CTNND2: variants seen among roughly 807,000 people sequenced by gnomAD.
The protein encoded by CTNND2 is catenin delta 2, also known as catenin delta-2.
A neutral mutation model predicts 144.4 loss-of-function variants in CTNND2; 22 were observed. The observed-to-expected ratio is 0.15, with a 90% CI of 0.11 to 0.22. The LOEUF is 0.22. CTNND2 is among the 10% of genes least tolerant of loss of function. CTNND2 has a pLI of 1.00. For missense variants in CTNND2, 1,353 were observed against 1,618.8 expected (o/e 0.84, Z 2.82); for synonymous variants, 751 against 695.6 (o/e 1.08, Z -1.25).
intron 2 of CTNND2, among the ~76,000 whole-genome samples, chr5:11,628,471 C>A (rs1489373133): frequency 6.6e-6 from 1 of 152,046 alleles, no homozygotes; most frequent in Non-Finnish European, 1.5e-5. Context: ...AGTAACCTGC[C>A]CAAGGTCACA....
At position 10,973,629 on chromosome 5, in the gene CTNND2, C is replaced by T. The variant is rs756966820; in HGVS notation, c.3502G>A (p.Asp1168Asn). 1.1e-5 allele frequency: 17 copies of T among 1,614,106 alleles called. No individual in the cohort carries two copies. Among genetic ancestry groups the T allele is most frequent in the East Asian group, 8.9e-5 (4 of 44,868 alleles). The change falls in exon 22 of 22, where the codon GAT (aspartate) becomes AAT (asparagine). Residue 1168 changes from aspartate to asparagine, a missense_variant. Asp to Asn is a conservative substitution (Grantham distance 23). Around this residue, in one of 4 missense-constraint regions of CTNND2, gnomAD observed 459 missense variants for 674.3 expected, o/e 0.68. Coordinates refer to ENST00000304623, the MANE Select transcript of CTNND2 (RefSeq NM_001332.4). This position sits in a 1 kb window ranked among gnomAD's most constrained non-coding sequence, Gnocchi z 5.6. ...QPFQNSTRNY[D>N]ESFFEDQVHH... Reference sequence around the variant, plus strand: ...ACCTGGTCCTCGAAGAAGGACTCATCGTAATTTCTTGTGGAATTCTGAAAT... The same window carrying T: ...ACCTGGTCCTCGAAGAAGGACTCATTGTAATTTCTTGTGGAATTCTGAAAT...
chr5:11,386,804 G>A (rs1455943479), intron 6 of CTNND2, among the ~76,000 whole-genome samples: 1 of 152,200 alleles, frequency 6.6e-6, no homozygotes, highest in Non-Finnish European at 1.5e-5. Flanking sequence ...AGGAATATTT[G>A]TGGAATGGTT....
In CTNND2 at chr5:11,780,835, G is replaced by A. The variant is rs906199849; in HGVS notation, c.38-48563C>T. Among the ~76,000 whole-genome samples the A allele has an allele frequency of 3.5e-4, 53 of 152,128 alleles. 1 individual carries two copies. The highest frequency in any genetic ancestry group is 9.7e-5 in the African/African-American group (4 of 41,430). On this transcript the variant is annotated intron_variant, in intron 1 of 21. Coordinates refer to ENST00000304623, the MANE Select transcript of CTNND2 (RefSeq NM_001332.4). ...GCACCAAGGCCAGCCAGCCCTGGGG[G>A]AAATCCTGAGCAGTGACACAACAGA... is the stretch of plus-strand genomic sequence containing the variant.
At chr5:11,542,952 C>T (rs1774889092) in intron 3 of CTNND2, among the ~76,000 whole-genome samples, 1 of 152,198 alleles carries the variant, frequency 6.6e-6, no homozygotes, top group Admixed American at 6.5e-5. Flanking sequence ...ATCTTCACAT[C>T]AAAATCTCAA....
chr5:11,886,374 C>T (rs1582067449), intron 1 of CTNND2, among the ~76,000 whole-genome samples: 1 of 151,936 alleles, frequency 6.6e-6, no homozygotes, highest in African/African-American at 2.4e-5. Flanking sequence ...ACAACTGATA[C>T]CACAGAAATA....
intron 3 of CTNND2, among the ~76,000 whole-genome samples, chr5:11,505,297 G>C (rs914429779): frequency 1.3e-5 from 2 of 152,040 alleles, no homozygotes; most frequent in African/African-American, 4.8e-5. Flanking sequence ...AGAAATGGCT[G>C]AGGCCATATC....
intron 2 of CTNND2, among the ~76,000 whole-genome samples, chr5:11,623,834 A>G (rs1225504553): frequency 8.1e-6 from 1 of 124,078 alleles, no homozygotes; most frequent in African/African-American, 3.5e-5. Flanking sequence ...ATATATATAT[A>G]TATATATATA....
intron 3 of CTNND2, among the ~76,000 whole-genome samples, chr5:11,442,311 A>G (rs1018862911): frequency 6.6e-6 from 1 of 152,206 alleles, no homozygotes; most frequent in Non-Finnish European, 1.5e-5. Flanking sequence ...ATATAGATAT[A>G]TTTTTAGTAG....
chr5:11,153,177 G>A lies in CTNND2; in HGVS notation c.2159+6399C>T, dbSNP rs140342080. 1.3e-3 allele frequency among the ~76,000 whole-genome samples: 191 copies of A among 152,070 alleles called. 1 individual carries two copies. The highest frequency in any genetic ancestry group is 4.4e-3 in the African/African-American group (183 of 41,484). Reference sequence around the variant, plus strand: ...CTCGGGAGGCTGAGGCAGGAGAATCGCTTGAACCCAGGAGGCAGAGGTTGC... The same window carrying A: ...CTCGGGAGGCTGAGGCAGGAGAATCACTTGAACCCAGGAGGCAGAGGTTGC... On this transcript the variant is annotated intron_variant, in intron 12 of 21. Transcript: ENST00000304623.
At chr5:11,352,909 A>G (rs1650305702) in intron 8 of CTNND2, among the ~76,000 whole-genome samples, 1 of 152,176 alleles carries the variant, frequency 6.6e-6, no homozygotes, top group African/African-American at 2.4e-5. Flanking sequence ...ATTAATAAAA[A>G]AGGAAAGAAA....
At chr5:11,869,216 C>T (rs903310904) in intron 1 of CTNND2, among the ~76,000 whole-genome samples, 3 of 152,144 alleles carry the variant, frequency 2.0e-5, no homozygotes, top group Non-Finnish European at 4.4e-5. Context: ...TGCACCAACC[C>T]CACTCTTAGG....
At chr5:11,554,776 C>T (rs1364470557) in intron 3 of CTNND2, among the ~76,000 whole-genome samples, 2 of 151,826 alleles carry the variant, frequency 1.3e-5, no homozygotes, top group African/African-American at 2.4e-5. Context: ...AGCTATCTGG[C>T]CCTGGAATCC....
rs35946880 is a variant in CTNND2, at chr5:11,805,536, C to CAATGAATGAATG, written c.38-73276_38-73265dup. Among the ~76,000 whole-genome samples the CAATGAATGAATG allele has an allele frequency of 5.9e-5, 9 of 151,622 alleles. No homozygotes were observed. In the East Asian group the frequency reaches 1.2e-3, roughly 20 times the overall value. ...AAGGAAGTACAAATAAATAAATGAA[C>CAATGAATGAATG]AATGAATGAATGAATGAATGAATGG... On this transcript the variant is annotated intron_variant, in intron 1 of 21. Coordinates refer to ENST00000304623, the MANE Select transcript of CTNND2 (RefSeq NM_001332.4).
At chr5:11,461,113 T>A (rs1303212996) in intron 3 of CTNND2, among the ~76,000 whole-genome samples, 1 of 152,108 alleles carries the variant, frequency 6.6e-6, no homozygotes, top group Admixed American at 6.5e-5. Flanking sequence ...TGGTTCTTTA[T>A]TTTCTTTCTC....
chr5:11,462,476 T>C (rs1434425459), intron 3 of CTNND2, among the ~76,000 whole-genome samples: 1 of 151,620 alleles, frequency 6.6e-6, no homozygotes. Flanking sequence ...CAGAGAGGAG[T>C]CCGATAGTGT....
At chr5:11,215,885 G>A (rs538190978) in intron 10 of CTNND2, among the ~76,000 whole-genome samples, 1 of 152,314 alleles carries the variant, frequency 6.6e-6, no homozygotes, top group Admixed American at 6.5e-5. Flanking sequence ...GATTTTGAAT[G>A]ACAAATTAAA....
intron 9 of CTNND2, among the ~76,000 whole-genome samples, chr5:11,238,767 T>C (rs1039438158): frequency 3.9e-5 from 6 of 151,990 alleles, no homozygotes; most frequent in Admixed American, 1.3e-4. Flanking sequence ...CACACACACA[T>C]ACTCAGAAAG....
intron 16 of CTNND2, among the ~76,000 whole-genome samples, chr5:11,050,567 T>C (rs1745727461): frequency 6.6e-6 from 1 of 152,154 alleles, no homozygotes; most frequent in Non-Finnish European, 1.5e-5. Flanking sequence ...TATGTCCCCA[T>C]GGAGAGACTG....
chr5:11,281,711 T>C (rs1747137706), intron 9 of CTNND2, among the ~76,000 whole-genome samples: 1 of 152,202 alleles, frequency 6.6e-6, no homozygotes, highest in African/African-American at 2.4e-5. Context: ...CCCACTCACA[T>C]GGTCGTTCTT....
Sources: allele counts gnomAD v4.1 joint callset (sites outside exome capture counted in the v4.1 genomes callset), GRCh38; gene constraint gnomAD v4.1.1; regional missense constraint gnomAD v4.1.1; non-coding constraint Gnocchi (gnomAD v3.1); transcripts MANE v1.5; gene names NCBI Gene and HGNC (gene_info 2026-07-23, HGNC 2026-07-21).